The following ADARB2 variants were observed in gnomAD, a reference collection of about 807,000 sequenced individuals.
The protein encoded by ADARB2 is adenosine deaminase RNA specific B2 (inactive).
A neutral mutation model predicts 62.2 loss-of-function variants in ADARB2; 25 were observed. The observed-to-expected ratio is 0.40, with a 90% CI of 0.29 to 0.56. ADARB2 has a LOEUF of 0.56. Ranked by LOEUF, ADARB2 falls within the 20% of genes least tolerant of loss-of-function variation. ADARB2 has a pLI of 0.43. For missense variants in ADARB2, 1,071 were observed against 1,077.4 expected (o/e 0.99, Z 0.08); for synonymous variants, 572 against 500.8 (o/e 1.14, Z -1.90).
chr10:1,241,505 C>G (rs1467808911), intron 5 of ADARB2, among the ~76,000 whole-genome samples: 1 of 152,092 alleles, frequency 6.6e-6, no homozygotes, highest in African/African-American at 2.4e-5. Flanking sequence ...CACAGTGAGC[C>G]CTTGGGACTG....
intron 3 of ADARB2, among the ~76,000 whole-genome samples, chr10:1,333,625 A>G (rs570099648): frequency 6.6e-6 from 1 of 152,166 alleles, no homozygotes; most frequent in Non-Finnish European, 1.5e-5. Flanking sequence ...GTAACAGAAA[A>G]TTTTGTACAG....
At chr10:1,306,045 G>A (rs1018150767) in intron 3 of ADARB2, among the ~76,000 whole-genome samples, 3 of 152,156 alleles carry the variant, frequency 2.0e-5, no homozygotes, top group Non-Finnish European at 4.4e-5. Flanking sequence ...CATAGTGTTG[G>A]AAGTTCTGGC....
At chr10:1,298,914 T>G (rs926227804) in intron 3 of ADARB2, among the ~76,000 whole-genome samples, 8 of 151,476 alleles carry the variant, frequency 5.3e-5, no homozygotes, top group African/African-American at 1.7e-4. Context: ...TAAGTTTTTA[T>G]TTTTATTTTT....
At chr10:1,574,340 G>A (rs533106049) in intron 1 of ADARB2, among the ~76,000 whole-genome samples, 33 of 152,338 alleles carry the variant, frequency 2.2e-4, no homozygotes, top group African/African-American at 7.0e-4. Context: ...TTGAGAAACC[G>A]GTGCTGAAAG....
chr10:1,476,602 T>C (rs1831404106), intron 1 of ADARB2, among the ~76,000 whole-genome samples: 1 of 152,190 alleles, frequency 6.6e-6, no homozygotes, highest in South Asian at 2.1e-4. Context: ...GGTGAGGTTT[T>C]AAAGACAGCC....
intron 1 of ADARB2, among the ~76,000 whole-genome samples, chr10:1,666,958 T>C (rs1834324413): frequency 6.6e-6 from 1 of 152,212 alleles, no homozygotes; most frequent in African/African-American, 2.4e-5. Context: ...TTTCAGAATT[T>C]GTGTAGACTC....
chr10:1,449,338 G>A (rs2676175), intron 1 of ADARB2, among the ~76,000 whole-genome samples: 2,848 of 152,164 alleles, frequency 0.019, 85 homozygotes, highest in African/African-American at 0.064. Flanking sequence ...ACTTCCCCGT[G>A]ACCCATCCTG....
At chr10:1,598,810 C>T (rs777739781) in intron 1 of ADARB2, among the ~76,000 whole-genome samples, 17 of 152,242 alleles carry the variant, frequency 1.1e-4, no homozygotes, top group East Asian at 3.9e-4. Context: ...GACTGGAATC[C>T]GCAGACAGAA....
intron 1 of ADARB2, among the ~76,000 whole-genome samples, chr10:1,452,988 G>A (rs1381229420): frequency 6.6e-6 from 1 of 152,146 alleles, no homozygotes; most frequent in East Asian, 1.9e-4. Context: ...GTTGGGCCGG[G>A]CCTGACAATC....
intron 1 of ADARB2, among the ~76,000 whole-genome samples, chr10:1,448,830 G>A (rs55691140): frequency 0.085 from 12,918 of 151,912 alleles, 613 homozygotes; most frequent in South Asian, 0.19. Flanking sequence ...TAAATCAAAG[G>A]AGCCATACCC....
chr10:1,247,841 C>T (rs1318566770), intron 4 of ADARB2, among the ~76,000 whole-genome samples: 2 of 152,188 alleles, frequency 1.3e-5, no homozygotes, highest in Non-Finnish European at 2.9e-5. Flanking sequence ...GGGCATCACC[C>T]TCCAGGTATA....
At chr10:1,325,711 C>G (rs530183851) in intron 3 of ADARB2, among the ~76,000 whole-genome samples, 11 of 152,308 alleles carry the variant, frequency 7.2e-5, no homozygotes, top group African/African-American at 2.6e-4. Context: ...CCTCCCACAT[C>G]TTTCTTGTAC....
chr10:1,525,139 C>G (rs981702728), intron 1 of ADARB2, among the ~76,000 whole-genome samples: 7 of 152,028 alleles, frequency 4.6e-5, no homozygotes, highest in African/African-American at 1.7e-4. Context: ...ACTTTTTGTA[C>G]TAATAGCTGT....
intron 4 of ADARB2, among the ~76,000 whole-genome samples, chr10:1,245,221 G>A: frequency 6.6e-6 from 1 of 152,122 alleles, no homozygotes; most frequent in East Asian, 1.9e-4. Flanking sequence ...CAGGATTTGG[G>A]AAATTTACAC....
At chr10:1,219,748 A>T (rs1830665553) in intron 6 of ADARB2, among the ~76,000 whole-genome samples, 1 of 150,364 alleles carries the variant, frequency 6.7e-6, no homozygotes, top group Non-Finnish European at 1.5e-5. Flanking sequence ...GGTGAAGATA[A>T]TGGTGATGAT....
intron 1 of ADARB2, among the ~76,000 whole-genome samples, chr10:1,422,133 G>A (rs1028523672): frequency 1.3e-5 from 2 of 152,186 alleles, no homozygotes; most frequent in African/African-American, 4.8e-5. Flanking sequence ...TAACTTCCAC[G>A]AGTTTTTAAG....
At chr10:1,528,207 C>T (rs974519262) in intron 1 of ADARB2, among the ~76,000 whole-genome samples, 5 of 152,202 alleles carry the variant, frequency 3.3e-5, no homozygotes, top group African/African-American at 1.2e-4. Flanking sequence ...TGTTACTGTG[C>T]GATACAGCAG....
chr10:1,444,412 C>T (rs1481072746), intron 1 of ADARB2, among the ~76,000 whole-genome samples: 6 of 148,060 alleles, frequency 4.1e-5, no homozygotes, highest in Non-Finnish European at 7.5e-5. Context: ...TCCATCTATC[C>T]ATCCTCTATC....
chr10:1,578,068 C>T (rs1480260626), intron 1 of ADARB2, among the ~76,000 whole-genome samples: 1 of 152,188 alleles, frequency 6.6e-6, no homozygotes, highest in Non-Finnish European at 1.5e-5. Context: ...CCAGCCACCC[C>T]ATCTGCGGGG....
Sources: gnomAD v4.1 joint callset for allele counts (sites outside exome capture counted in the v4.1 genomes callset) on GRCh38, gnomAD v4.1.1 for gene constraint, MANE v1.5 for transcripts, NCBI Gene and HGNC (gene_info 2026-07-23, HGNC 2026-07-21) for gene names.